Variants in PLCB1 observed in about 807,000 individuals in gnomAD.
The protein encoded by PLCB1 is phospholipase C beta 1.
A neutral mutation model predicts 161.8 loss-of-function variants in PLCB1; 46 were observed. The ratio of observed to expected loss-of-function variants is 0.28; its 90% CI spans 0.22 to 0.36. PLCB1 has a LOEUF of 0.36. PLCB1 is among the 10% of genes least tolerant of loss of function. The probability of loss-of-function intolerance (pLI) is 1.00; values close to 1 mark genes in which losing one functional copy is unlikely to be tolerated. For missense variants in PLCB1, 1,016 were observed against 1,472.5 expected, an observed-to-expected ratio of 0.69 and a Z score of 5.07; for synonymous variants, 517 against 503.7, an observed-to-expected ratio of 1.03 and a Z score of -0.35.
At chr20:8,864,964 G>C (rs1392685487) in intron 31 of PLCB1, among the ~76,000 whole-genome samples, 1 of 152,184 alleles carries the variant, frequency 6.6e-6, no homozygotes, top group African/African-American at 2.4e-5. Context: ...GAGAAAGTAA[G>C]ATTTAGCAGA....
In PLCB1 at chr20:8,729,183, A is replaced by C. The variant is rs371050904; in HGVS notation, c.1888+9A>C. 8.7e-6 allele frequency: 14 copies of C among 1,601,756 alleles called. No individual in the cohort carries two copies. In the African/African-American group the frequency reaches 1.5e-4, roughly 17 times the overall value. On this transcript the variant is annotated intron_variant, in intron 18 of 31. Transcript: ENST00000338037. ...TAATTTCCAGACAATGGGTAAGTAC[A>C]TGCTTGTTCCCATTCTGCTATGAAC...
intron 2 of PLCB1, among the ~76,000 whole-genome samples, chr20:8,186,984 A>G (rs979520506): frequency 1.3e-5 from 2 of 152,088 alleles, no homozygotes; most frequent in African/African-American, 4.8e-5. Context: ...AAATGGGGTG[A>G]TGGCTTTCAG....
intron 22 of PLCB1, among the ~76,000 whole-genome samples, chr20:8,741,199 T>TA (rs1980861202): frequency 6.6e-6 from 1 of 152,318 alleles, no homozygotes; most frequent in Admixed American, 6.5e-5. Context: ...ACTAAACTCT[T>TA]AATTTCTCTC....
At chr20:8,651,220 A>G (rs1989312514) in intron 7 of PLCB1, among the ~76,000 whole-genome samples, 1 of 152,206 alleles carries the variant, frequency 6.6e-6, no homozygotes, top group Non-Finnish European at 1.5e-5. Flanking sequence ...GCAATGTTCA[A>G]GTTGCACTGA....
intron 3 of PLCB1, among the ~76,000 whole-genome samples, chr20:8,480,217 G>A (rs1363083611): frequency 6.6e-6 from 1 of 152,106 alleles, no homozygotes; most frequent in Non-Finnish European, 1.5e-5. Context: ...AGTGGGTGGC[G>A]AGCCAGGGGT....
chr20:8,698,449 C>G (rs1273589364), intron 11 of PLCB1, among the ~76,000 whole-genome samples: 3 of 152,072 alleles, frequency 2.0e-5, no homozygotes, highest in African/African-American at 4.8e-5. Flanking sequence ...TCAGATAACT[C>G]TAGATTTGTT....
chr20:8,335,722 G>A (rs1226414996), intron 2 of PLCB1, among the ~76,000 whole-genome samples: 1 of 152,202 alleles, frequency 6.6e-6, no homozygotes, highest in Non-Finnish European at 1.5e-5. Context: ...TGCAATTAAT[G>A]CCATTACAAG....
Position 8,739,317 on chromosome 20 carries a change from A to G in PLCB1, c.2265A>G (p.Lys755=). The change falls in exon 21 of 32, where the codon AAA becomes AAG. Residue 755 remains lysine, a synonymous_variant. Coordinates refer to ENST00000338037, the MANE Select transcript of PLCB1 (RefSeq NM_015192.4). ...TAGCAGTTTATGAAGAAGGAGGTAAATTCATTGGCCACCGTATCTTGCCAG... is the reference window on the plus strand; with the variant it reads ...TAGCAGTTTATGAAGAAGGAGGTAAGTTCATTGGCCACCGTATCTTGCCAG... The part of the protein sequence containing the change: ...LRIAVYEEGG[K]FIGHRILPVQ... 6.2e-7 allele frequency: 1 copy of G among 1,614,112 alleles called. No individual in the cohort carries two copies. The highest frequency in any genetic ancestry group is 8.5e-7 in the Non-Finnish European group (1 of 1,179,938).
chr20:8,132,799 A>T lies in PLCB1; in HGVS notation c.99+49A>T. 25 of 1,262,316 alleles carry T rather than the reference A, an allele frequency of 2.0e-5. No individual in the cohort carries two copies. The highest frequency in any genetic ancestry group is 2.6e-5 in the Non-Finnish European group (23 of 870,232). 78.2% of individuals were successfully genotyped at this position (1,262,316 alleles called of 1,614,324 possible). A position where few individuals can be genotyped will look rare whatever the true frequency, so the allele number is the denominator to read the frequency against. ...CGGGGCGCTGGCTCGGGCACCGGGC[A>T]GGGCGGGCGTCGTGGGGGTGGGGCA... On this transcript the variant is annotated intron_variant, in intron 1 of 31. Transcript: ENST00000338037. This position sits in a 1 kb window ranked among gnomAD's most constrained non-coding sequence, Gnocchi z 5.2.
chr20:8,776,398 G>C (rs1009929578), intron 27 of PLCB1, among the ~76,000 whole-genome samples: 2 of 146,114 alleles, frequency 1.4e-5, no homozygotes, highest in African/African-American at 5.1e-5. Flanking sequence ...GGCTAATTCA[G>C]GTTTCAAGCC....
intron 9 of PLCB1, among the ~76,000 whole-genome samples, chr20:8,663,604 A>G (rs1989740329): frequency 6.6e-6 from 1 of 152,116 alleles, no homozygotes; most frequent in African/African-American, 2.4e-5. Flanking sequence ...GTTATAAATA[A>G]TCAGAGGATT....
chr20:8,877,812 T>C (rs1419564567), intron 31 of PLCB1, among the ~76,000 whole-genome samples: 1 of 152,250 alleles, frequency 6.6e-6, no homozygotes, highest in African/African-American at 2.4e-5. Context: ...AATAATTGTA[T>C]GGCTGTTTAA....
At chr20:8,870,465 T>C (rs1354854721) in intron 31 of PLCB1, among the ~76,000 whole-genome samples, 1 of 152,184 alleles carries the variant, frequency 6.6e-6, no homozygotes, top group Non-Finnish European at 1.5e-5. Context: ...GCATGGACTA[T>C]GTTAGGAGTT....
intron 15 of PLCB1, among the ~76,000 whole-genome samples, chr20:8,724,262 C>T (rs1241365513): frequency 2.0e-5 from 3 of 151,984 alleles, no homozygotes; most frequent in Non-Finnish European, 2.9e-5. Flanking sequence ...CCTATGGACA[C>T]CCTGCAATGG....
At chr20:8,460,970 G>C (rs1190890753) in intron 3 of PLCB1, among the ~76,000 whole-genome samples, 1 of 152,162 alleles carries the variant, frequency 6.6e-6, no homozygotes, top group African/African-American at 2.4e-5. Flanking sequence ...CTTCATATCT[G>C]TGCCATCCAA....
intron 3 of PLCB1, among the ~76,000 whole-genome samples, chr20:8,605,232 G>A (rs1468978161): frequency 2.0e-5 from 3 of 151,990 alleles, no homozygotes; most frequent in Non-Finnish European, 4.4e-5. Flanking sequence ...CATATATAGA[G>A]TACAGTTAAT....
chr20:8,798,565 TACAC>T (rs1984138110), intron 31 of PLCB1, among the ~76,000 whole-genome samples: 1 of 40,966 alleles, frequency 2.4e-5, no homozygotes. Context: ...GAGTTGAACA[TACAC>T]ACATACACAC....
At chr20:8,614,888 T>C (rs1988005435) in intron 3 of PLCB1, among the ~76,000 whole-genome samples, 1 of 152,138 alleles carries the variant, frequency 6.6e-6, no homozygotes, top group Non-Finnish European at 1.5e-5. Context: ...TGGTTGCTTC[T>C]GGCTAGTGGG....
intron 3 of PLCB1, among the ~76,000 whole-genome samples, chr20:8,466,338 G>T (rs1238229): frequency 7.6e-6 from 1 of 131,404 alleles, no homozygotes; most frequent in African/African-American, 2.8e-5. Context: ...GTGGGGGAGG[G>T]GGGAGGGATA....
Sources: allele counts gnomAD v4.1 joint callset (sites outside exome capture counted in the v4.1 genomes callset), GRCh38; gene constraint gnomAD v4.1.1; non-coding constraint Gnocchi (gnomAD v3.1); transcripts MANE v1.5; gene names NCBI Gene and HGNC (gene_info 2026-07-23, HGNC 2026-07-21).